Variants in NT5C1A observed in about 807,000 individuals in gnomAD.
NT5C1A encodes cytosolic 5'-nucleotidase 1A.
In NT5C1A, 18 loss-of-function variants were observed where a neutral mutation model predicts 31.0. The observed-to-expected ratio is 0.58, with a 90% confidence interval of 0.40 to 0.86. The LOEUF is 0.86. NT5C1A is among the 40% of genes least tolerant of loss of function. The pLI is 0.00. For synonymous variants in NT5C1A, 185 were observed against 203.6 expected (o/e 0.91, Z 0.78); for missense variants, 470 against 505.4 (o/e 0.93, Z 0.67).
chr1:39,669,380 G>A (rs1479379274), intron 1 of NT5C1A, among the ~76,000 whole-genome samples: 7 of 152,198 alleles, frequency 4.6e-5, no homozygotes, highest in Non-Finnish European at 1.0e-4. Flanking sequence ...TGCTGAAAGA[G>A]AGAGGGACAG....
In NT5C1A at chr1:39,652,262, G is replaced by T. The variant is rs954475126; in HGVS notation, c.*6859C>A. 1.3e-5 allele frequency among the ~76,000 whole-genome samples: 2 copies of T among 152,008 alleles called. No individual in the cohort carries two copies. The highest frequency in any genetic ancestry group is 2.9e-5 in the Non-Finnish European group (2 of 67,996). ...ATTCAAGGGCCGGATCTCGCCTACA[G>T]AATATGTTTTATTTGGCCCAGATGG... On this transcript the variant is annotated 3_prime_UTR_variant, in exon 6 of 6. Coordinates refer to ENST00000235628, the MANE Select transcript of NT5C1A (RefSeq NM_032526.3).
At position 39,653,770 on chromosome 1, in the gene NT5C1A, C is replaced by G. The variant is rs1449024805; in HGVS notation, c.*5351G>C. 1.3e-5 allele frequency among the ~76,000 whole-genome samples: 2 copies of G among 152,200 alleles called. No individual in the cohort carries two copies. The highest frequency in any genetic ancestry group is 4.8e-5 in the African/African-American group (2 of 41,456). On this transcript the variant is annotated 3_prime_UTR_variant, in exon 6 of 6. Coordinates refer to ENST00000235628, the MANE Select transcript of NT5C1A (RefSeq NM_032526.3). ...TTTAAGACTAGATAAAACCCGTGAT[C>G]TGGGAAGCCGCCAGCCACACGATGC...
rs1212779811 is a variant in NT5C1A, at chr1:39,659,209, A to G, written c.1019T>C (p.Met340Thr). The change falls in exon 6 of 6, where the codon ATG (methionine) becomes ACG (threonine). Residue 340 changes from methionine to threonine, a missense_variant. Physicochemically the swap from Met to Thr is moderately conservative, Grantham distance 81. Transcript: ENST00000235628. ...QMFHVAGAQE[M>T]GTVAAHVPYG... is the part of the protein sequence containing the mutation. ...AGGCACATGGGCGGCCACAGTGCCC[A>G]TCTCCTGAGCCCCAGCCACATGGAA... The G allele has an allele frequency of 6.2e-7, 1 of 1,614,104 alleles. No individual in the cohort carries two copies. Among genetic ancestry groups the G allele is most frequent in the South Asian group, 1.1e-5 (1 of 91,084 alleles).
chr1:39,664,495 T>TCCC (rs1456016135), intron 3 of NT5C1A, among the ~76,000 whole-genome samples: 39 of 30,984 alleles, frequency 1.3e-3, no homozygotes, highest in African/African-American at 3.7e-3. Context: ...TTTCTCCTCC[T>TCCC]CTCCTCTCCT....
intron 3 of NT5C1A, among the ~76,000 whole-genome samples, chr1:39,665,219 G>T (rs1024376888): frequency 6.6e-6 from 1 of 152,212 alleles, no homozygotes; most frequent in African/African-American, 2.4e-5. Flanking sequence ...GGGTGTGCTG[G>T]AGCTGGCTTG....
In NT5C1A at chr1:39,658,676, G is replaced by A. The variant is rs1646474757; in HGVS notation, c.*445C>T. ...GAGCTTGAAAACTGCCCAAAAGATGGGGAAACTGGGGGCCATGAAGGGGAG... is the reference window on the plus strand; with the variant it reads ...GAGCTTGAAAACTGCCCAAAAGATGAGGAAACTGGGGGCCATGAAGGGGAG... On this transcript the variant is annotated 3_prime_UTR_variant, in exon 6 of 6. Transcript: ENST00000235628. Among the ~76,000 whole-genome samples the A allele has an allele frequency of 6.6e-6, 1 of 152,184 alleles. No individual in the cohort carries two copies. The highest frequency in any genetic ancestry group is 1.5e-5 in the Non-Finnish European group (1 of 68,030).
In NT5C1A at chr1:39,657,954, TG is replaced by T. The variant is rs1483268325; in HGVS notation, c.*1166del. Among the ~76,000 whole-genome samples the T allele has an allele frequency of 6.6e-6, 1 of 152,186 alleles. No homozygotes were observed. The highest frequency in any genetic ancestry group is 2.4e-5 in the African/African-American group (1 of 41,442). Reference sequence around the variant, plus strand: ...CTTCACCCCAGGCAGCACCTCACCCTGGGGCTCAGCCTGGACAACCGCCTAC... The same window carrying T: ...CTTCACCCCAGGCAGCACCTCACCCTGGGCTCAGCCTGGACAACCGCCTAC... On this transcript the variant is annotated 3_prime_UTR_variant, in exon 6 of 6. Transcript: ENST00000235628.
rs972464254 is a variant in NT5C1A, at chr1:39,656,486, T to C, written c.*2635A>G. 1.3e-5 allele frequency among the ~76,000 whole-genome samples: 2 copies of C among 152,252 alleles called. No individual in the cohort carries two copies. Among genetic ancestry groups the C allele is most frequent in the Admixed American group, 6.5e-5 (1 of 15,290 alleles). ...ATTTAGACTCTTAGTGTTTCTCCAT[T>C]GCCCAGGGCTGTCTGTGTCTATTAA... On this transcript the variant is annotated 3_prime_UTR_variant, in exon 6 of 6. Transcript: ENST00000235628.
intron 3 of NT5C1A, among the ~76,000 whole-genome samples, chr1:39,664,587 G>A (rs1462750537): frequency 7.5e-6 from 1 of 133,730 alleles, no homozygotes; most frequent in Non-Finnish European, 1.6e-5. Context: ...CTGCCTCCCG[G>A]GTTCAAGTGA....
intron 5 of NT5C1A, 67 bp from the exon 6 acceptor site, chr1:39,659,553 T>A: frequency 6.6e-7 from 1 of 1,505,052 alleles, no homozygotes; most frequent in East Asian, 2.3e-5. Context: ...CTGCTCTCCC[T>A]AAAGCACTAG....
chr1:39,667,610 C>A (rs1008482543), intron 1 of NT5C1A, among the ~76,000 whole-genome samples: 9 of 152,150 alleles, frequency 5.9e-5, no homozygotes, highest in African/African-American at 2.2e-4. Flanking sequence ...TGGGGTCAGT[C>A]CTGGGCTCCA....
At position 39,657,684 on chromosome 1, in the gene NT5C1A, G is replaced by A. The variant is rs1293211054; in HGVS notation, c.*1437C>T. On this transcript the variant is annotated 3_prime_UTR_variant, in exon 6 of 6. Transcript: ENST00000235628. ...CTCTGAAAGTGGTGAAGAAGGGGCC[G>A]CAGGGGCTCTTGCAAATGTGGAGGA... 6.6e-6 allele frequency among the ~76,000 whole-genome samples: 1 copy of A among 152,192 alleles called. No individual in the cohort carries two copies. The highest frequency in any genetic ancestry group is 1.5e-5 in the Non-Finnish European group (1 of 68,040).
intron 1 of NT5C1A, among the ~76,000 whole-genome samples, chr1:39,671,669 T>A (rs1353158152): frequency 6.6e-6 from 1 of 151,846 alleles, no homozygotes. Context: ...TGGGCCCTGA[T>A]GACAGCATGG....
chr1:39,666,900 C>T (rs1002936716), intron 1 of NT5C1A, among the ~76,000 whole-genome samples: 3 of 152,190 alleles, frequency 2.0e-5, no homozygotes, highest in Non-Finnish European at 2.9e-5. Flanking sequence ...AATCGATTAC[C>T]GAAATGAGTC....
At chr1:39,668,580 A>G (rs944119235) in intron 1 of NT5C1A, among the ~76,000 whole-genome samples, 1 of 152,208 alleles carries the variant, frequency 6.6e-6, no homozygotes, top group African/African-American at 2.4e-5. Flanking sequence ...GCAAGATGAC[A>G]TCTCAAGTCT....
rs1646444148 is a variant in NT5C1A, at chr1:39,653,579, TC to T, written c.*5541del. On this transcript the variant is annotated 3_prime_UTR_variant, in exon 6 of 6. Transcript: ENST00000235628. ...GCAAACATTTCCAGAGCACCTGAAG[TC>T]CTTTTTGGCTGGCTAGAGCTAACCG... Among the ~76,000 whole-genome samples, 1 of 152,154 alleles carries T rather than the reference TC, an allele frequency of 6.6e-6. No homozygotes were observed. Among genetic ancestry groups the T allele is most frequent in the Admixed American group, 6.5e-5 (1 of 15,280 alleles).
At chr1:39,664,492 T>TCTC (rs1553485422) in intron 3 of NT5C1A, among the ~76,000 whole-genome samples, 1 of 606 alleles carries the variant, frequency 1.7e-3, no homozygotes, top group Non-Finnish European at 3.3e-3. Context: ...GGATTTCTCC[T>TCTC]CCTCTCCTCT....
chr1:39,671,760 G>C, intron 1 of NT5C1A, 144 bp downstream of exon 1: 1 of 969,872 alleles, frequency 1.0e-6, no homozygotes, highest in East Asian at 2.6e-5. Flanking sequence ...ACCCGAGCCC[G>C]CGCCAGCTGC....
intron 1 of NT5C1A, among the ~76,000 whole-genome samples, chr1:39,669,279 A>G (rs1646538321): frequency 1.3e-5 from 2 of 151,746 alleles, no homozygotes; most frequent in African/African-American, 4.8e-5. Context: ...AGGAGCTCCC[A>G]TTTAGGCTAA....
Sources: allele counts gnomAD v4.1 joint callset (sites outside exome capture counted in the v4.1 genomes callset), GRCh38; gene constraint gnomAD v4.1.1; transcripts MANE v1.5; gene names NCBI Gene and HGNC (gene_info 2026-07-23, HGNC 2026-07-21).